The following NWD1 variants were observed in gnomAD, a reference collection of about 807,000 sequenced individuals.
NWD1 encodes the protein NACHT domain- and WD repeat-containing protein 1.
In NWD1, 129 loss-of-function variants were observed where a neutral mutation model predicts 135.1. The observed-to-expected ratio is 0.96, with a 90% confidence interval of 0.83 to 1.11. The LOEUF (loss-of-function observed/expected upper bound fraction) is 1.11, where lower values mean the gene tolerates loss of function less well. Ranked by LOEUF, NWD1 falls within the 50% of genes least tolerant of loss-of-function variation. The probability of loss-of-function intolerance (pLI) is 0.00; values close to 1 mark genes in which losing one functional copy is unlikely to be tolerated. For synonymous variants in NWD1, 773 were observed against 786.0 expected, an observed-to-expected ratio of 0.98 and a Z score of 0.28; for missense variants, 1,740 against 1,851.3, an observed-to-expected ratio of 0.94 and a Z score of 1.10.
chr19:16,734,311 G>A (rs1291704713), intron 3 of NWD1, among the ~76,000 whole-genome samples: 1 of 152,092 alleles, frequency 6.6e-6, no homozygotes, highest in East Asian at 1.9e-4. Flanking sequence ...CACTCTGGGA[G>A]GCCGAGACAG....
chr19:16,797,712 C>A lies in NWD1; in HGVS notation c.3305-20C>A. ...CTCCTCTGGACATGAGAGGTGTAAC[C>A]CCAGTTCCTGCCGTTTCAGGCTTTG... On this transcript the variant is annotated intron_variant, in intron 15 of 18. Transcript: ENST00000524140. 6.2e-7 allele frequency: 1 copy of A among 1,610,426 alleles called. No homozygotes were observed. Among genetic ancestry groups the A allele is most frequent in the Non-Finnish European group, 8.5e-7 (1 of 1,177,884 alleles).
At chr19:16,741,517 C>T (rs1442400546) in intron 4 of NWD1, among the ~76,000 whole-genome samples, 1 of 151,604 alleles carries the variant, frequency 6.6e-6, no homozygotes, top group Admixed American at 6.6e-5. Context: ...AGGCACCTAC[C>T]ACCATGCCCG....
At chr19:16,772,071 T>C (rs141750567) in intron 10 of NWD1, among the ~76,000 whole-genome samples, 54 of 152,186 alleles carry the variant, frequency 3.5e-4, no homozygotes, top group African/African-American at 1.3e-3. Flanking sequence ...CCTACTTTTA[T>C]TGAAAAGGTT....
intron 2 of NWD1, among the ~76,000 whole-genome samples, chr19:16,726,588 C>G (rs12984437): frequency 8.6e-5 from 13 of 151,964 alleles, no homozygotes; most frequent in African/African-American, 3.1e-4. Context: ...TACAGGCCTG[C>G]GCCACCACAC....
intron 11 of NWD1, among the ~76,000 whole-genome samples, chr19:16,778,724 G>A (rs1969749884): frequency 6.6e-6 from 1 of 152,044 alleles, no homozygotes. Context: ...GGACAGGCTG[G>A]TCTTGAACTC....
At chr19:16,759,003 CAAAAAAAAAAAAAAAA>C (rs58283462) in intron 6 of NWD1, among the ~76,000 whole-genome samples, 1 of 74,928 alleles carries the variant, frequency 1.3e-5, no homozygotes, top group East Asian at 5.3e-4. Flanking sequence ...AACTCTGTCT[CAAAAAAAAAAAAAAAA>C]AAAAAAAAAA....
intron 4 of NWD1, among the ~76,000 whole-genome samples, chr19:16,743,513 G>A (rs1332125848): frequency 6.6e-6 from 1 of 151,340 alleles, no homozygotes; most frequent in Non-Finnish European, 1.5e-5. Context: ...TAGCCTAGGG[G>A]ACAATTCTTT....
Position 16,799,969 on chromosome 19 carries a change from G to C in NWD1, c.3543G>C (p.Gly1181=). ...CCGTGAGCCTGCTGGCCCGCGGCGG[G>C]GCTTTGGTGGCATCTGCTTCCCCAC... ...GAPVSLLARG[G]ALVASASPQS... Residue 1181 remains glycine, a synonymous_variant, in exon 17 of 19, where the codon GGG becomes GGC. Coordinates refer to ENST00000524140, the MANE Select transcript of NWD1 (RefSeq NM_001007525.5). 1.2e-6 allele frequency: 2 copies of C among 1,614,182 alleles called. No individual in the cohort carries two copies. Among genetic ancestry groups the C allele is most frequent in the Non-Finnish European group, 1.7e-6 (2 of 1,180,030 alleles).
In NWD1 at chr19:16,749,579, T is replaced by C; in HGVS notation, c.937T>C (p.Cys313Arg). 1.2e-6 allele frequency: 2 copies of C among 1,613,288 alleles called. No individual in the cohort carries two copies. The highest frequency in any genetic ancestry group is 1.3e-5 in the African/African-American group (1 of 75,032). The change falls in exon 6 of 19, where the codon TGC (cysteine) becomes CGC (arginine). Residue 313 changes from cysteine (C) to arginine (R), a missense_variant. Cys to Arg is a radical substitution (Grantham distance 180). Transcript: ENST00000524140. ...WQSSEVIQTF[C>R]GRQELLARLG... ...GAGCTCGGAGGTCATTCAGACCTTC[T>C]GCGGACGCCAGGAACTCCTGGCCCG...
rs73928631 is a variant in NWD1 at position 16,749,159 on chromosome 19, C to T, written c.517C>T (p.Arg173Trp). ...GGCAGTCATTGAGTGGGAGATAGAG[C>T]GGAGCCTGCTGAGCTCAGAGGACCG... The part of the protein sequence containing the change: ...HRSVIEWEIE[R>W]SLLSSEDREQ... Residue 173 changes from arginine to tryptophan, a missense_variant, in exon 6 of 19, where the codon CGG (arginine) becomes TGG (tryptophan). By Grantham distance (101) the Arg-to-Trp change is moderately radical. Coordinates refer to ENST00000524140, the MANE Select transcript of NWD1 (RefSeq NM_001007525.5). 9.3e-4 allele frequency: 1,490 copies of T among 1,606,312 alleles called. 15 individuals carry two copies. The African/African-American group carries it at 0.018, about 19-fold the overall frequency.
chr19:16,784,544 A>G (rs1467839384), intron 12 of NWD1, among the ~76,000 whole-genome samples: 2 of 152,092 alleles, frequency 1.3e-5, no homozygotes, highest in African/African-American at 2.4e-5. Context: ...GGGAGCAGCA[A>G]GTGCAAAGGC....
rs1181690694 is a variant in NWD1 at position 16,765,092 on chromosome 19, TG to T, written c.2311del (p.Asp771ThrfsTer114). ...CTGGGGGCATTGAAGACCTGCTGGA[TG>T]ACTTTGACCTGTGTGCCCCTCACCT... ...ISGGIEDLLD[D>X]FDLCAPHLDS... On this transcript the variant is annotated frameshift_variant, in exon 10 of 19. Transcript: ENST00000524140. LOFTEE classifies it high-confidence loss of function. The T allele has an allele frequency of 6.2e-7, 1 of 1,614,074 alleles. No homozygotes were observed. The highest frequency in any genetic ancestry group is 8.5e-7 in the Non-Finnish European group (1 of 1,179,954).
chr19:16,799,331 G>T (rs1303669742), intron 16 of NWD1, among the ~76,000 whole-genome samples: 1 of 152,000 alleles, frequency 6.6e-6, no homozygotes, highest in Non-Finnish European at 1.5e-5. Flanking sequence ...GAGTAACTGC[G>T]ATTACAGGTG....
chr19:16,772,360 G>A (rs1285486979), intron 10 of NWD1, among the ~76,000 whole-genome samples: 6 of 151,716 alleles, frequency 4.0e-5, no homozygotes, highest in African/African-American at 1.5e-4. Context: ...GTAAGACCCT[G>A]TCTCTAAAAA....
intron 13 of NWD1, among the ~76,000 whole-genome samples, chr19:16,790,053 T>C (rs1180318336): frequency 6.6e-6 from 1 of 152,216 alleles, no homozygotes; most frequent in Non-Finnish European, 1.5e-5. Context: ...TGTGGGCTTC[T>C]GAAAACAATG....
intron 18 of NWD1, among the ~76,000 whole-genome samples, chr19:16,808,411 G>A (rs1568398560): frequency 6.6e-6 from 1 of 151,946 alleles, no homozygotes; most frequent in Non-Finnish European, 1.5e-5. Context: ...TTAGCCAGGT[G>A]TGGTGTTGCA....
intron 3 of NWD1, among the ~76,000 whole-genome samples, chr19:16,733,237 TG>T (rs1474952787): frequency 1.4e-5 from 2 of 147,368 alleles, no homozygotes; most frequent in African/African-American, 5.0e-5. Flanking sequence ...AAAAAAAATC[TG>T]GGCCGGGCGA....
At chr19:16,753,881 C>A (rs1183142680) in intron 6 of NWD1, among the ~76,000 whole-genome samples, 1 of 141,362 alleles carries the variant, frequency 7.1e-6, no homozygotes, top group Non-Finnish European at 1.5e-5. Flanking sequence ...ATCAATTCGA[C>A]CTTTCATCCA....
intron 12 of NWD1, 69 bp downstream of exon 12, chr19:16,779,534 C>A: frequency 1.4e-6 from 2 of 1,464,884 alleles, no homozygotes; most frequent in Admixed American, 3.4e-5. Flanking sequence ...AGCCCCTTCC[C>A]CACAGATTCA....
Sources: allele counts gnomAD v4.1 joint callset (sites outside exome capture counted in the v4.1 genomes callset), GRCh38; gene constraint gnomAD v4.1.1; transcripts MANE v1.5; gene names NCBI Gene and HGNC (gene_info 2026-07-23, HGNC 2026-07-21).